CNTNAP3: variants seen among roughly 807,000 people sequenced by gnomAD.
CNTNAP3 encodes contactin associated protein family member 3, also known as contactin-associated protein-like 3.
Under a neutral mutation model 92.1 loss-of-function variants are expected in CNTNAP3, and 36 were observed. That is an observed-to-expected ratio of 0.39 (90% CI 0.30 to 0.52). The LOEUF is 0.52. Among genes scored for constraint, CNTNAP3 ranks in the 20% least tolerant of loss-of-function variants. The pLI, the probability that CNTNAP3 is intolerant of heterozygous loss-of-function variation, is 0.76. For synonymous variants in CNTNAP3, 232 were observed against 422.3 expected (o/e 0.55, Z 5.53); for missense variants, 534 against 1,069.6 (o/e 0.50, Z 6.98).
Position 39,204,967 on chromosome 9 carries a change from A to AATCATCATC in CNTNAP3, c.391-11701_391-11693dup, listed in dbSNP as rs369931763. Among the ~76,000 whole-genome samples the AATCATCATC allele has an allele frequency of 5.0e-5, 4 of 80,046 alleles. 1 individual carries two copies. The highest frequency in any genetic ancestry group is 8.3e-5 in the Non-Finnish European group (4 of 48,354). The allele number at this position is 80,046 out of a possible 152,430, so 52.5% of individuals were successfully genotyped here. ...AAATGGGATTATATTCTCAAATTCAAATCATCATCATCATCATCATCATCA... is the reference window on the plus strand; with the variant it reads ...AAATGGGATTATATTCTCAAATTCAAATCATCATCATCATCATCATCATCATCATCATCA... On this transcript the variant is annotated intron_variant, in intron 3 of 23. Transcript: ENST00000297668.
intron 13 of CNTNAP3, among the ~76,000 whole-genome samples, chr9:39,121,430 G>A (rs1393988414): frequency 6.6e-6 from 1 of 152,022 alleles, no homozygotes; most frequent in Non-Finnish European, 1.5e-5. Context: ...GACGTTAAGA[G>A]TCTGGAAGTC....
intron 22 of CNTNAP3, 47 bp from the exon 23 acceptor site, chr9:39,078,503 A>G: frequency 6.2e-7 from 1 of 1,611,946 alleles, no homozygotes. Context: ...TGATTTAATC[A>G]CGCCACAATT....
At chr9:39,130,287 C>T (rs1361255547) in intron 13 of CNTNAP3, among the ~76,000 whole-genome samples, 2 of 151,828 alleles carry the variant, frequency 1.3e-5, no homozygotes, top group African/African-American at 2.4e-5. Context: ...ATCCATGCCA[C>T]CGATTGCTAA....
chr9:39,093,857 A>G (rs1826269406), intron 18 of CNTNAP3, among the ~76,000 whole-genome samples: 2 of 151,078 alleles, frequency 1.3e-5, no homozygotes, highest in Admixed American at 6.6e-5. Context: ...CTTGTTTTCA[A>G]TTGTTTTGGT....
At chr9:39,141,114 T>C (rs1365588352) in intron 11 of CNTNAP3, among the ~76,000 whole-genome samples, 6 of 152,206 alleles carry the variant, frequency 3.9e-5, no homozygotes, top group South Asian at 2.1e-4. Context: ...CTTGAAGAGA[T>C]ATGAGAGGAA....
Position 39,140,636 on chromosome 9 carries a change from G to C in CNTNAP3, c.1759C>G (p.Leu587Val), listed in dbSNP as rs879126289. ...TGGGCTTCACAAGACTGCTCGTAGA[G>C]AGCTGTAGGAGAACACCAGCCATAA... ...GYTGETCHSS[L>V]YEQSCEAHKH... Residue 587 changes from leucine (L) to valine (V), a missense_variant and splice_region_variant, in exon 12 of 24, where the codon CTC (leucine) becomes GTC (valine). Leu to Val is a conservative substitution (Grantham distance 32, BLOSUM62 1). Transcript: ENST00000297668. 2 of 1,596,378 alleles carry C rather than the reference G, an allele frequency of 1.3e-6. No individual in the cohort carries two copies. The highest frequency in any genetic ancestry group is 8.5e-7 in the Non-Finnish European group (1 of 1,174,570).
chr9:39,150,604 T>G (rs1032618783), intron 9 of CNTNAP3, among the ~76,000 whole-genome samples: 1 of 18,752 alleles, frequency 5.3e-5, no homozygotes, highest in African/African-American at 2.4e-4. Flanking sequence ...AATATATAAC[T>G]AAAGATTAAA....
At chr9:39,152,957 C>T (rs1410170466) in intron 9 of CNTNAP3, among the ~76,000 whole-genome samples, 2 of 110,620 alleles carry the variant, frequency 1.8e-5, no homozygotes, top group Non-Finnish European at 1.8e-5. Flanking sequence ...TAAGCCACAG[C>T]GCCCAGCCAG....
chr9:39,094,834 A>G (rs1241665653), intron 18 of CNTNAP3, among the ~76,000 whole-genome samples: 1 of 151,390 alleles, frequency 6.6e-6, no homozygotes, highest in Non-Finnish European at 1.5e-5. Flanking sequence ...GGCTTTTTCA[A>G]ATTTTATTTA....
chr9:39,120,190 C>A (rs1446257085), intron 13 of CNTNAP3, among the ~76,000 whole-genome samples: 1 of 152,074 alleles, frequency 6.6e-6, no homozygotes, highest in Non-Finnish European at 1.5e-5. Flanking sequence ...AAACAGAAAT[C>A]TTGAAAGCAG....
intron 12 of CNTNAP3, chr9:39,139,628 T>C (rs1821522909): frequency 6.6e-6 from 1 of 152,206 alleles, no homozygotes; most frequent in African/African-American, 2.4e-5. Context: ...TTATTCCAGA[T>C]TTCCACTTTG....
At chr9:39,103,031 A>G (rs1826503238) in intron 16 of CNTNAP3, among the ~76,000 whole-genome samples, 1 of 151,992 alleles carries the variant, frequency 6.6e-6, no homozygotes, top group Admixed American at 6.5e-5. Context: ...TTTGTTTTTG[A>G]GGTTTCAGTA....
At position 39,130,998 on chromosome 9, in the gene CNTNAP3, T is replaced by A. The variant is rs573367751; in HGVS notation, c.2080+1934A>T. ...TCTACAATTATCTCAAATTTTTTTT[T>A]AAATTATCTTTTCAAAAGAGGAGAA... is the stretch of plus-strand genomic sequence containing the variant. On this transcript the variant is annotated intron_variant, in intron 13 of 23. Transcript: ENST00000297668. Among the ~76,000 whole-genome samples, 752 of 152,186 alleles carry A rather than the reference T, an allele frequency of 4.9e-3. 8 individuals are homozygous for A. Among genetic ancestry groups the A allele is most frequent in the African/African-American group, 0.016 (658 of 41,516 alleles).
chr9:39,161,591 G>A lies in CNTNAP3; in HGVS notation c.1477+4342C>T, dbSNP rs192336083. On this transcript the variant is annotated intron_variant, in intron 9 of 23. Transcript: ENST00000297668. ...AACACTTTGGGAGGGTGAGGTGGGA[G>A]GATAGCTTGAGCCTTGGAGTTTGAG... 3.4e-3 allele frequency among the ~76,000 whole-genome samples: 386 copies of A among 112,804 alleles called. 4 individuals are homozygous for A. Among genetic ancestry groups the A allele is most frequent in the African/African-American group, 0.013 (369 of 28,756 alleles). 74.0% of individuals were successfully genotyped at this position (112,804 alleles called of 152,430 possible). A position where few individuals can be genotyped will look rare whatever the true frequency, so the allele number is the denominator to read the frequency against.
At chr9:39,179,286 T>TACATAC (rs1554652864) in intron 4 of CNTNAP3, among the ~76,000 whole-genome samples, 1 of 80,724 alleles carries the variant, frequency 1.2e-5, no homozygotes, top group East Asian at 4.1e-4. Context: ...TCTCTCTCTC[T>TACATAC]ACACACACAC....
At chr9:39,087,179 T>C (rs569121699) in intron 19 of CNTNAP3, among the ~76,000 whole-genome samples, 2 of 152,286 alleles carry the variant, frequency 1.3e-5, no homozygotes, top group Admixed American at 6.5e-5. Context: ...CATTATGACT[T>C]TGATATTTAT....
chr9:39,132,238 T>C (rs1316859440), intron 13 of CNTNAP3, among the ~76,000 whole-genome samples: 31 of 152,106 alleles, frequency 2.0e-4, no homozygotes. Context: ...ATGGAAACTG[T>C]TGGAGAGCAG....
chr9:39,099,652 A>C (rs559329553), intron 18 of CNTNAP3, among the ~76,000 whole-genome samples: 1 of 152,218 alleles, frequency 6.6e-6, no homozygotes, highest in Non-Finnish European at 1.5e-5. Context: ...AAATTATTTC[A>C]AGAGGATTAG....
rs1222080337 is a variant in CNTNAP3 at position 39,144,443 on chromosome 9, A to G, written c.1650-97T>C. Reference sequence around the variant, plus strand: ...GGTTAACCAAAAACAGGTTAATGTGAAAGAGCAGCATATGCAAGATAACCC... The same window carrying G: ...GGTTAACCAAAAACAGGTTAATGTGGAAGAGCAGCATATGCAAGATAACCC... On this transcript the variant is annotated intron_variant, in intron 10 of 23. Coordinates refer to ENST00000297668, the MANE Select transcript of CNTNAP3 (RefSeq NM_033655.5). 37 of 1,493,186 alleles carry G rather than the reference A, an allele frequency of 2.5e-5. 1 individual carries two copies. The highest frequency in any genetic ancestry group is 3.0e-5 in the Non-Finnish European group (34 of 1,116,382). The allele number at this position is 1,493,186 out of a possible 1,614,324, so 92.5% of individuals were successfully genotyped here.
Sources: gnomAD v4.1 joint callset for allele counts (sites outside exome capture counted in the v4.1 genomes callset) on GRCh38, gnomAD v4.1.1 for gene constraint, MANE v1.5 for transcripts, NCBI Gene and HGNC (gene_info 2026-07-23, HGNC 2026-07-21) for gene names.